The following STK38 variants were observed in gnomAD, a reference collection of about 807,000 sequenced individuals.
STK38 encodes serine/threonine-protein kinase 38.
STK38 carries 26 observed loss-of-function variants against 59.0 expected under a neutral mutation model. That is an observed-to-expected ratio of 0.44 (90% CI 0.32 to 0.61). The LOEUF is 0.61. STK38 is among the 20% of genes least tolerant of loss of function. The pLI is 0.04. For synonymous variants in STK38, 175 were observed against 176.6 expected, an observed-to-expected ratio of 0.99 and a Z score of 0.07; for missense variants, 433 against 566.0, an observed-to-expected ratio of 0.76 and a Z score of 2.38.
chr6:36,511,740 G>A (rs963530060), intron 7 of STK38, among the ~76,000 whole-genome samples: 1 of 151,858 alleles, frequency 6.6e-6, no homozygotes, highest in African/African-American at 2.4e-5. Context: ...TATCTTACCT[G>A]GACAACTCTA....
intron 1 of STK38, among the ~76,000 whole-genome samples, chr6:36,542,915 C>T (rs1414447087): frequency 2.0e-5 from 3 of 152,000 alleles, no homozygotes; most frequent in Non-Finnish European, 4.4e-5. Flanking sequence ...CACTGCACTC[C>T]ACCTGGGTGA....
At chr6:36,522,594 CACCTA>C (rs1777404321) in intron 4 of STK38, 1 of 152,124 alleles carries the variant, frequency 6.6e-6, no homozygotes, top group Admixed American at 6.5e-5. Flanking sequence ...CGGTAGCTCA[CACCTA>C]TAATCTCAGC....
chr6:36,506,956 C>T (rs527709565), intron 8 of STK38, among the ~76,000 whole-genome samples: 18 of 152,276 alleles, frequency 1.2e-4, no homozygotes, highest in African/African-American at 3.4e-4. Context: ...GAGGTCCTAA[C>T]GTGGACCTAA....
chr6:36,541,775 G>A (rs555229376), intron 1 of STK38, among the ~76,000 whole-genome samples: 2 of 151,846 alleles, frequency 1.3e-5, no homozygotes, highest in Non-Finnish European at 2.9e-5. Flanking sequence ...TTACCTGTAG[G>A]TAGTGGGAAT....
chr6:36,537,140 T>C (rs919722138), intron 2 of STK38, among the ~76,000 whole-genome samples: 2 of 152,096 alleles, frequency 1.3e-5, no homozygotes, highest in Non-Finnish European at 2.9e-5. Context: ...CAAAGGAAGA[T>C]GCACAAATGG....
At chr6:36,521,191 T>A (rs548182790) in intron 5 of STK38, among the ~76,000 whole-genome samples, 1 of 152,336 alleles carries the variant, frequency 6.6e-6, no homozygotes, top group South Asian at 2.1e-4. Context: ...ATTTGCATTG[T>A]TCTGTCATTT....
chr6:36,530,651 G>C (rs1777644213), intron 2 of STK38, among the ~76,000 whole-genome samples: 1 of 148,956 alleles, frequency 6.7e-6, no homozygotes, highest in Non-Finnish European at 1.5e-5. Context: ...ACAGGCGTGA[G>C]CCACCACACC....
chr6:36,496,189 G>C (rs528675274), intron 13 of STK38, among the ~76,000 whole-genome samples: 2 of 151,778 alleles, frequency 1.3e-5, no homozygotes, highest in Non-Finnish European at 2.9e-5. Context: ...GACTACAGGC[G>C]TGTGCCACCA....
In STK38 at chr6:36,547,271, G is replaced by C. The variant is rs1582477555; in HGVS notation, c.-87C>G. 6.5e-6 allele frequency: 1 copy of C among 152,888 alleles called. No homozygotes were observed. The highest frequency in any genetic ancestry group is 1.5e-5 in the Non-Finnish European group (1 of 68,464). 9.5% of individuals were successfully genotyped at this position (152,888 alleles called of 1,614,324 possible). On this transcript the variant is annotated 5_prime_UTR_variant, in exon 1 of 14. Transcript: ENST00000229812. ...GCCAGTAGTCTCGACTTGAAGGCTG[G>C]CGAAGCCCCGGCGGCGGCAGCCAAC...
intron 8 of STK38, 85 bp downstream of exon 8, chr6:36,507,415 C>T: frequency 1.9e-6 from 2 of 1,080,014 alleles, no homozygotes; most frequent in South Asian, 2.7e-5. Context: ...TGAGAATCTC[C>T]TATCTGTTCT....
chr6:36,512,271 G>A (rs543520104), intron 7 of STK38, among the ~76,000 whole-genome samples: 14 of 152,256 alleles, frequency 9.2e-5, no homozygotes, highest in African/African-American at 3.4e-4. Flanking sequence ...TGCTACAAGT[G>A]TGAGCTAGCA....
At chr6:36,544,525 G>A (rs1455482694) in intron 1 of STK38, among the ~76,000 whole-genome samples, 1 of 152,116 alleles carries the variant, frequency 6.6e-6, no homozygotes, top group Non-Finnish European at 1.5e-5. Context: ...TTCCTTGTCT[G>A]AAAATTCCTG....
At chr6:36,532,307 CATA>C (rs754456382) in intron 2 of STK38, among the ~76,000 whole-genome samples, 521 of 103,530 alleles carry the variant, frequency 5.0e-3, no homozygotes, top group South Asian at 0.011. Context: ...ACCTTGTCTG[CATA>C]AAAAAAAAAA....
Position 36,510,045 on chromosome 6 carries a change from C to T in STK38, c.670-2443G>A, listed in dbSNP as rs75776623. Among the ~76,000 whole-genome samples the T allele has an allele frequency of 3.3e-5, 5 of 152,252 alleles. No homozygotes were observed. The East Asian group carries it at 9.7e-4, about 29-fold the overall frequency. Reference sequence around the variant, plus strand: ...TTACTCTGGGCCACAGACTCCAGCCCGAACTGACAGCTTGGCCCTCAGGCT... The same window carrying T: ...TTACTCTGGGCCACAGACTCCAGCCTGAACTGACAGCTTGGCCCTCAGGCT... On this transcript the variant is annotated intron_variant, in intron 7 of 13. Transcript: ENST00000229812.
intron 9 of STK38, among the ~76,000 whole-genome samples, chr6:36,502,494 G>GT (rs1243161618): frequency 1.3e-5 from 2 of 151,836 alleles, no homozygotes; most frequent in African/African-American, 4.8e-5. Context: ...ACATTAATCT[G>GT]TTTAAGATAT....
intron 1 of STK38, among the ~76,000 whole-genome samples, chr6:36,542,287 GTTTATTTGAA>G (rs1777957137): frequency 6.6e-6 from 1 of 151,980 alleles, no homozygotes; most frequent in African/African-American, 2.4e-5. Context: ...AATGTTTGCC[GTTTATTTGAA>G]TTTACAAGTT....
chr6:36,523,080 C>T (rs564155940), intron 4 of STK38, among the ~76,000 whole-genome samples: 4 of 151,980 alleles, frequency 2.6e-5, no homozygotes, highest in African/African-American at 9.6e-5. Context: ...CTCCCTGAAC[C>T]TTTCTTCATG....
Position 36,524,442 on chromosome 6 carries a change from G to T in STK38, c.205C>A (p.His69Asn). The change falls in exon 4 of 14, where the codon CAT becomes AAT. Residue 69 changes from histidine to asparagine, a missense_variant. By Grantham distance (68) the His-to-Asn change is moderately conservative. Around this residue, in one of 3 missense-constraint regions of STK38, gnomAD observed 293 missense variants for 388.2 expected, o/e 0.75. Transcript: ENST00000229812. ...AGAAACTCTGTTTCCTTCCGAGCAT[G>T]TGCTGATCTCCGGAGTCGTTTCTAA... Reference protein sequence around the residue: ...DEEKRLRRSAHARKETEFLRL... With the variant: ...DEEKRLRRSANARKETEFLRL... The T allele has an allele frequency of 6.2e-7, 1 of 1,607,110 alleles. No individual in the cohort carries two copies. The highest frequency in any genetic ancestry group is 8.5e-7 in the Non-Finnish European group (1 of 1,178,138).
chr6:36,494,314 G>C lies in STK38; in HGVS notation c.*1470C>G, dbSNP rs925529586. On this transcript the variant is annotated 3_prime_UTR_variant, in exon 14 of 14. Coordinates refer to ENST00000229812, the MANE Select transcript of STK38 (RefSeq NM_007271.4). ...TAGGACATACTTTCCTTTCAAAGCTGATCTTCAGAACCTCAAGACTGGCAG... is the reference window on the plus strand; with the variant it reads ...TAGGACATACTTTCCTTTCAAAGCTCATCTTCAGAACCTCAAGACTGGCAG... 6.6e-6 allele frequency: 1 copy of C among 152,638 alleles called. No homozygotes were observed. Among genetic ancestry groups the C allele is most frequent in the African/African-American group, 2.4e-5 (1 of 41,440 alleles). The allele number at this position is 152,638 out of a possible 1,614,324, so 9.5% of individuals were successfully genotyped here. A position where few individuals can be genotyped will look rare whatever the true frequency, so the allele number is the denominator to read the frequency against.
Sources: allele counts gnomAD v4.1 joint callset (sites outside exome capture counted in the v4.1 genomes callset), GRCh38; gene constraint gnomAD v4.1.1; regional missense constraint gnomAD v4.1.1; transcripts MANE v1.5; gene names NCBI Gene and HGNC (gene_info 2026-07-23, HGNC 2026-07-21).